The following PIK3R4 variants were observed in gnomAD, a reference collection of about 807,000 sequenced individuals.
The protein encoded by PIK3R4 is phosphoinositide-3-kinase regulatory subunit 4, also known as phosphoinositide 3-kinase regulatory subunit 4.
Under a neutral mutation model 136.5 loss-of-function variants are expected in PIK3R4, and 46 were observed. The ratio of observed to expected loss-of-function variants is 0.34; its 90% CI spans 0.27 to 0.43. The LOEUF (loss-of-function observed/expected upper bound fraction) is 0.43, where lower values mean the gene tolerates loss of function less well. Ranked by LOEUF, PIK3R4 falls within the 20% of genes least tolerant of loss-of-function variation. The probability of loss-of-function intolerance (pLI) is 1.00; values close to 1 mark genes in which losing one functional copy is unlikely to be tolerated. For missense variants in PIK3R4, 1,331 were observed against 1,649.5 expected, an observed-to-expected ratio of 0.81 and a Z score of 3.35; for synonymous variants, 557 against 566.7, an observed-to-expected ratio of 0.98 and a Z score of 0.24.
chr3:130,693,721 G>A (rs1448395436), intron 13 of PIK3R4, among the ~76,000 whole-genome samples: 1 of 151,986 alleles, frequency 6.6e-6, no homozygotes, highest in African/African-American at 2.4e-5. Context: ...CCCATTCTGT[G>A]GATTGTCTTT....
At chr3:130,707,491 CATTCT>C (rs1332946077) in intron 10 of PIK3R4, among the ~76,000 whole-genome samples, 17 of 152,108 alleles carry the variant, frequency 1.1e-4, no homozygotes, top group African/African-American at 3.4e-4. Flanking sequence ...CATATATATG[CATTCT>C]ATTCTATCAG....
At chr3:130,711,254 T>G (rs973424995) in intron 9 of PIK3R4, among the ~76,000 whole-genome samples, 1 of 151,932 alleles carries the variant, frequency 6.6e-6, no homozygotes, top group Non-Finnish European at 1.5e-5. Context: ...GACACACACT[T>G]TTCAGGCATG....
In PIK3R4 at chr3:130,735,840, T is replaced by C. The variant is rs765103244; in HGVS notation, c.867+29A>G. 7 of 1,588,242 alleles carry C rather than the reference T, an allele frequency of 4.4e-6. No individual in the cohort carries two copies. The South Asian group carries it at 8.0e-5, about 18-fold the overall frequency. ...GTGGGAACTAGATCCTATTAAAAAC[T>C]TTATGGCGAATATTTGTAGCATAGT... is the stretch of plus-strand genomic sequence containing the variant. On this transcript the variant is annotated intron_variant, in intron 3 of 19. Transcript: ENST00000356763.
In PIK3R4 at chr3:130,746,828, T is replaced by A. The variant is rs2107625716; in HGVS notation, c.-557A>T. On this transcript the variant is annotated 5_prime_UTR_variant, in exon 1 of 20. Coordinates refer to ENST00000356763, the MANE Select transcript of PIK3R4 (RefSeq NM_014602.3). ...TCCCGGGAAAGCAACCGGTCTGACC[T>A]CACTTCCTGTCGCCGAGCGGAAGTG... 6.6e-6 allele frequency: 1 copy of A among 152,284 alleles called. No individual in the cohort carries two copies. Among genetic ancestry groups the A allele is most frequent in the African/African-American group, 2.4e-5 (1 of 41,524 alleles). The allele number at this position is 152,284 out of a possible 1,614,324, so 9.4% of individuals were successfully genotyped here.
At position 130,733,945 on chromosome 3, in the gene PIK3R4, G is replaced by A. The variant is rs149318624; in HGVS notation, c.1053C>T (p.Gly351=). The change falls in exon 4 of 20, where the codon GGC becomes GGT. Residue 351 remains glycine, a synonymous_variant. Transcript: ENST00000356763. ...GTCCACAGAGATTGTGAATAATGTT[G>A]CCCAAATCCTTCCGTATAACCAGAA... The part of the protein sequence containing the change: ...ERILVIRKDL[G]NIIHNLCGHD... 3.1e-6 allele frequency: 5 copies of A among 1,613,982 alleles called. No homozygotes were observed. The highest frequency in any genetic ancestry group is 1.7e-5 in the Admixed American group (1 of 59,994).
chr3:130,698,781 A>AC (rs1169917291), intron 13 of PIK3R4, among the ~76,000 whole-genome samples: 1 of 152,216 alleles, frequency 6.6e-6, no homozygotes, highest in Non-Finnish European at 1.5e-5. Context: ...TTTGGAAATA[A>AC]GATTCCAAAG....
chr3:130,708,802 A>G (rs1576456270), intron 9 of PIK3R4, among the ~76,000 whole-genome samples: 1 of 152,180 alleles, frequency 6.6e-6, no homozygotes, highest in East Asian at 1.9e-4. Flanking sequence ...ACAATGTGTG[A>G]TATCTAGTAG....
intron 13 of PIK3R4, among the ~76,000 whole-genome samples, chr3:130,694,142 C>G (rs1418945772): frequency 3.9e-5 from 6 of 151,990 alleles, no homozygotes; most frequent in African/African-American, 1.2e-4. Context: ...ATATGTCTAT[C>G]CTTATACCCG....
In PIK3R4 at chr3:130,736,011, T is replaced by C. The variant is rs960196851; in HGVS notation, c.734-9A>G. On this transcript the variant is annotated splice_polypyrimidine_tract_variant and intron_variant, in intron 2 of 19. Transcript: ENST00000356763. ...CTCAGCTATCACACAACCTGAAAAA[T>C]AGCAGGTATAATTCTGTTAGAAAAG... The C allele has an allele frequency of 6.3e-6, 10 of 1,599,418 alleles. No homozygotes were observed. The highest frequency in any genetic ancestry group is 3.4e-5 in the South Asian group (3 of 89,214).
At chr3:130,732,683 A>G (rs868291227) in intron 4 of PIK3R4, among the ~76,000 whole-genome samples, 5 of 152,202 alleles carry the variant, frequency 3.3e-5, no homozygotes, top group Middle Eastern at 6.8e-3. Context: ...ACAATCACCA[A>G]TCACTTTGTG....
chr3:130,740,890 A>G (rs2107622729), intron 2 of PIK3R4, among the ~76,000 whole-genome samples: 1 of 152,296 alleles, frequency 6.6e-6, no homozygotes, highest in South Asian at 2.1e-4. Context: ...AAATGTTAAC[A>G]ATAGGTGAAT....
chr3:130,698,189 T>G (rs1368855592), intron 13 of PIK3R4, among the ~76,000 whole-genome samples: 1 of 152,194 alleles, frequency 6.6e-6, no homozygotes, highest in Non-Finnish European at 1.5e-5. Context: ...CTCCCTTGAT[T>G]TTGTCCTATT....
At position 130,735,917 on chromosome 3, in the gene PIK3R4, G is replaced by GA. The variant is rs974249257; in HGVS notation, c.818dup (p.Glu275Ter). 2.5e-6 allele frequency: 4 copies of GA among 1,612,332 alleles called. No individual in the cohort carries two copies. Among genetic ancestry groups the GA allele is most frequent in the Non-Finnish European group, 3.4e-6 (4 of 1,179,286 alleles). ...CAATTTTATTTAGCACTTGTTCAGG[G>GA]AAAAAATGTCCATTTCTATAAGCCA... is the stretch of plus-strand genomic sequence containing the variant. On this transcript the variant is annotated frameshift_variant, in exon 3 of 20. Coordinates refer to ENST00000356763, the MANE Select transcript of PIK3R4 (RefSeq NM_014602.3). LOFTEE classifies it high-confidence loss of function.
rs118032458 is a variant in PIK3R4, at chr3:130,700,313, T to C, written c.3098+3410A>G. On this transcript the variant is annotated intron_variant, in intron 13 of 19. Coordinates refer to ENST00000356763, the MANE Select transcript of PIK3R4 (RefSeq NM_014602.3). ...TGTACTGCTCATATTGTTTTAAGTTTTCACTGTGATAGAACTCCATTTAGA... is the reference window on the plus strand; with the variant it reads ...TGTACTGCTCATATTGTTTTAAGTTCTCACTGTGATAGAACTCCATTTAGA... 3.9e-5 allele frequency among the ~76,000 whole-genome samples: 6 copies of C among 152,326 alleles called. No homozygotes were observed. The East Asian group carries it at 1.2e-3, about 29-fold the overall frequency.
chr3:130,716,302 A>AT, intron 9 of PIK3R4, 94 bp downstream of exon 9: 1 of 964,928 alleles, frequency 1.0e-6, no homozygotes, highest in Non-Finnish European at 1.6e-6. Flanking sequence ...GATGTAATCT[A>AT]ATCAATCAAA....
chr3:130,738,582 C>T (rs2066799811), intron 2 of PIK3R4, among the ~76,000 whole-genome samples: 1 of 151,738 alleles, frequency 6.6e-6, no homozygotes, highest in African/African-American at 2.4e-5. Context: ...ATAGAGGCTT[C>T]TAATATAATT....
chr3:130,685,215 G>T (rs1437870781), intron 15 of PIK3R4, among the ~76,000 whole-genome samples: 1 of 152,106 alleles, frequency 6.6e-6, no homozygotes, highest in Non-Finnish European at 1.5e-5. Flanking sequence ...GTGATCTACT[G>T]CAGAGAATGG....
chr3:130,699,845 A>G (rs146961988), intron 13 of PIK3R4, among the ~76,000 whole-genome samples: 41 of 152,340 alleles, frequency 2.7e-4, no homozygotes, highest in African/African-American at 9.1e-4. Context: ...CAATCTGAAC[A>G]GTCTTGAAAC....
intron 4 of PIK3R4, among the ~76,000 whole-genome samples, chr3:130,731,917 G>A (rs940888929): frequency 6.6e-6 from 1 of 152,202 alleles, no homozygotes; most frequent in African/African-American, 2.4e-5. Flanking sequence ...TTGAGCCTGG[G>A]AAGTCAAAGC....
Sources: allele counts gnomAD v4.1 joint callset (sites outside exome capture counted in the v4.1 genomes callset), GRCh38; gene constraint gnomAD v4.1.1; transcripts MANE v1.5; gene names NCBI Gene and HGNC (gene_info 2026-07-23, HGNC 2026-07-21).